ZC3H7A: variants seen among roughly 807,000 people sequenced by gnomAD.
ZC3H7A encodes the protein zinc finger CCCH domain-containing protein 7A.
ZC3H7A carries 44 observed loss-of-function variants against 125.5 expected under a neutral mutation model. The observed-to-expected ratio is 0.35, with a 90% CI of 0.28 to 0.45. The LOEUF (loss-of-function observed/expected upper bound fraction) is 0.45. Among genes scored for constraint, ZC3H7A ranks in the 20% least tolerant of loss-of-function variants. The pLI, the probability that ZC3H7A is intolerant of heterozygous loss-of-function variation, is 1.00. For synonymous variants in ZC3H7A, 399 were observed against 391.2 expected (o/e 1.02, Z -0.23); for missense variants, 977 against 1,170.7 (o/e 0.83, Z 2.41).
At chr16:11,784,854 CAAAAA>C (rs536349199) in intron 1 of ZC3H7A, among the ~76,000 whole-genome samples, 1 of 59,986 alleles carries the variant, frequency 1.7e-5, no homozygotes, top group African/African-American at 6.3e-5. Context: ...CACTCCATCT[CAAAAA>C]AAAAAAAAAA....
chr16:11,756,714 C>T (rs2052655332), intron 20 of ZC3H7A, among the ~76,000 whole-genome samples: 1 of 152,166 alleles, frequency 6.6e-6, no homozygotes, highest in Non-Finnish European at 1.5e-5. Context: ...CCCTACGTTC[C>T]ACACTCAGTG....
At chr16:11,774,127 C>T (rs2053038255) in intron 9 of ZC3H7A, 109 bp downstream of exon 9, 6 of 1,055,492 alleles carry the variant, frequency 5.7e-6, no homozygotes, top group Non-Finnish European at 7.5e-6. Context: ...TTAAAAAAAC[C>T]CCCAAATTCA....
intron 1 of ZC3H7A, among the ~76,000 whole-genome samples, chr16:11,785,942 G>A (rs1029445839): frequency 9.2e-5 from 14 of 151,984 alleles, no homozygotes; most frequent in African/African-American, 3.4e-4. Context: ...TTAAAGTGAC[G>A]GGTAGGTATA....
rs557570312 is a variant in ZC3H7A at position 11,782,409 on chromosome 16, A to G, written c.-34-21T>C. The G allele has an allele frequency of 4.4e-6, 7 of 1,606,210 alleles. No homozygotes were observed. The Admixed American group carries it at 5.0e-5, about 11-fold the overall frequency. The stretch of plus-strand genomic sequence containing the variant: ...GCAATCTGGAAAGAAACAAGGCAAA[A>G]AAGCACATAAGGTACCAGGGTCCCT... On this transcript the variant is annotated intron_variant, in intron 1 of 22. Transcript: ENST00000355758.
At chr16:11,795,422 T>TTGTA (rs147854211) in intron 1 of ZC3H7A, among the ~76,000 whole-genome samples, 5,244 of 152,220 alleles carry the variant, frequency 0.034, 310 homozygotes, top group African/African-American at 0.12. Flanking sequence ...ATACGTGTCA[T>TTGTA]TGTATGTATG....
At chr16:11,760,066 G>A (rs764252435) in intron 19 of ZC3H7A, among the ~76,000 whole-genome samples, 8 of 149,470 alleles carry the variant, frequency 5.4e-5, no homozygotes, top group African/African-American at 7.5e-5. Context: ...TGGAGGCTGC[G>A]GTGAGCGGAG....
In ZC3H7A at chr16:11,774,339, G is replaced by C. The variant is rs748324314; in HGVS notation, c.800C>G (p.Pro267Arg). ...SAVLANGGKM[P>R]FTMPEAFLDD... ...TAGAAAAGCTTCTGGCATAGTGAAG[G>C]GCATCTTTCCTCCATTTGCCAGCAC... Residue 267 changes from proline (P) to arginine (R), a missense_variant, in exon 9 of 23, where the codon CCC becomes CGC. By Grantham distance (103) the Pro-to-Arg change is moderately radical (BLOSUM62 -2). Coordinates refer to ENST00000355758, the MANE Select transcript of ZC3H7A (RefSeq NM_014153.4). 1 of 1,613,934 alleles carries C rather than the reference G, an allele frequency of 6.2e-7. No homozygotes were observed.
chr16:11,775,312 A>C (rs1268366033), intron 7 of ZC3H7A, among the ~76,000 whole-genome samples: 1 of 151,796 alleles, frequency 6.6e-6, no homozygotes, highest in Non-Finnish European at 1.5e-5. Context: ...TGGAGGCTGC[A>C]GTGAGCTGAG....
At chr16:11,769,007 T>C in intron 11 of ZC3H7A, 24 bp downstream of exon 11, 1 of 1,588,898 alleles carries the variant, frequency 6.3e-7, no homozygotes, top group Non-Finnish European at 8.6e-7. Flanking sequence ...GCGATGTATT[T>C]ACAAAAGAGG....
At chr16:11,793,192 G>C (rs934813111) in intron 1 of ZC3H7A, among the ~76,000 whole-genome samples, 40 of 152,278 alleles carry the variant, frequency 2.6e-4, no homozygotes, top group African/African-American at 9.1e-4. Context: ...AGGTCACCTA[G>C]CACAGCATTT....
chr16:11,775,347 G>C (rs535917522), intron 7 of ZC3H7A, among the ~76,000 whole-genome samples: 138 of 151,392 alleles, frequency 9.1e-4, no homozygotes, highest in African/African-American at 3.3e-3. Flanking sequence ...CTCCAGCCTA[G>C]GTGACAGAGC....
At chr16:11,786,625 CA>C (rs1490179700) in intron 1 of ZC3H7A, among the ~76,000 whole-genome samples, 1 of 152,116 alleles carries the variant, frequency 6.6e-6, no homozygotes, top group African/African-American at 2.4e-5. Context: ...TTTTAATGCA[CA>C]AAATACACCC....
chr16:11,769,656 A>T (rs1188876172), intron 10 of ZC3H7A, among the ~76,000 whole-genome samples: 1 of 128,878 alleles, frequency 7.8e-6, no homozygotes, highest in East Asian at 2.6e-4. Flanking sequence ...GGTTGCAGTG[A>T]GCCAAGATTT....
chr16:11,755,244 C>T (rs1485876386), intron 21 of ZC3H7A, among the ~76,000 whole-genome samples: 2 of 151,572 alleles, frequency 1.3e-5, no homozygotes, highest in Non-Finnish European at 2.9e-5. Context: ...AATGTGTCAT[C>T]CTTAGGTAAA....
intron 2 of ZC3H7A, 56 bp downstream of exon 2, chr16:11,782,231 C>T: frequency 5.0e-6 from 8 of 1,595,866 alleles, no homozygotes; most frequent in South Asian, 3.3e-5. Context: ...ACAAAACATA[C>T]ATCCACACCA....
intron 22 of ZC3H7A, among the ~76,000 whole-genome samples, chr16:11,751,809 T>C (rs2052557217): frequency 6.6e-6 from 1 of 151,954 alleles, no homozygotes; most frequent in South Asian, 2.1e-4. Flanking sequence ...TCAATAGTTT[T>C]AAGGATCACA....
Position 11,763,648 on chromosome 16 carries a change from T to C in ZC3H7A, c.1832A>G (p.His611Arg). The C allele has an allele frequency of 6.4e-7, 1 of 1,567,258 alleles. No individual in the cohort carries two copies. The highest frequency in any genetic ancestry group is 2.3e-5 in the East Asian group (1 of 43,526). The change falls in exon 16 of 23, where the codon CAC becomes CGC. Residue 611 changes from histidine to arginine, a missense_variant. Physicochemically the swap from His to Arg is conservative, Grantham distance 29. Transcript: ENST00000355758. ...HEFEDNKCLV[H>R]ILRETTVKYS... ...TTTTACTGTTGTCTCTCGCAAAATG[T>C]GGACAAGGCACCTAAGATGAAAACA...
rs1178208280 is a variant in ZC3H7A, at chr16:11,751,054, C to A, written c.*263G>T. ...CCTAGATATAACCTTATCCTCTTCC[C>A]CAACACACTTCATCCAAAAGTCTGT... On this transcript the variant is annotated 3_prime_UTR_variant, in exon 23 of 23. Transcript: ENST00000355758. The A allele has an allele frequency of 8.6e-6, 3 of 350,696 alleles. No homozygotes were observed. Among genetic ancestry groups the A allele is most frequent in the Non-Finnish European group, 1.6e-5 (3 of 192,312 alleles). 21.7% of individuals were successfully genotyped at this position (350,696 alleles called of 1,614,324 possible). A position where few individuals can be genotyped will look rare whatever the true frequency, so the allele number is the denominator to read the frequency against.
At chr16:11,785,481 G>A (rs2053243609) in intron 1 of ZC3H7A, among the ~76,000 whole-genome samples, 1 of 151,856 alleles carries the variant, frequency 6.6e-6, no homozygotes, top group African/African-American at 2.4e-5. Flanking sequence ...ACTCCCGCCT[G>A]GGCAAGAGAG....
Sources: allele counts gnomAD v4.1 joint callset (sites outside exome capture counted in the v4.1 genomes callset), GRCh38; gene constraint gnomAD v4.1.1; transcripts MANE v1.5; gene names NCBI Gene and HGNC (gene_info 2026-07-23, HGNC 2026-07-21).